LRRTM4: variants seen among roughly 807,000 people sequenced by gnomAD.
LRRTM4 encodes the protein leucine-rich repeat transmembrane neuronal protein 4.
Under a neutral mutation model 47.6 loss-of-function variants are expected in LRRTM4, and 25 were observed. The observed-to-expected ratio is 0.53, with a 90% confidence interval of 0.38 to 0.73. LRRTM4 has a LOEUF of 0.73. LRRTM4 is among the 30% of genes least tolerant of loss of function. The probability of loss-of-function intolerance (pLI) is 0.00; values close to 1 mark genes in which losing one functional copy is unlikely to be tolerated. For synonymous variants in LRRTM4, 311 were observed against 269.5 expected (o/e 1.15, Z -1.51); for missense variants, 638 against 713.4 (o/e 0.89, Z 1.20).
At chr2:77,110,009 A>C (rs894844633) in intron 3 of LRRTM4, among the ~76,000 whole-genome samples, 2 of 152,162 alleles carry the variant, frequency 1.3e-5, no homozygotes, top group African/African-American at 4.8e-5. Context: ...ATCTTATTAC[A>C]ATTCAAGAAA....
intron 3 of LRRTM4, among the ~76,000 whole-genome samples, chr2:77,302,004 T>G (rs2104165842): frequency 6.6e-6 from 1 of 152,276 alleles, no homozygotes; most frequent in Non-Finnish European, 1.5e-5. Context: ...ATTTAAAAAC[T>G]ATTTTAGACA....
chr2:77,436,236 T>A (rs1264004474), intron 3 of LRRTM4, among the ~76,000 whole-genome samples: 2 of 152,124 alleles, frequency 1.3e-5, no homozygotes, highest in Non-Finnish European at 2.9e-5. Flanking sequence ...CTATACACAT[T>A]TGAATAAAGT....
At chr2:77,450,381 A>G (rs900665282) in intron 3 of LRRTM4, among the ~76,000 whole-genome samples, 2 of 152,042 alleles carry the variant, frequency 1.3e-5, no homozygotes, top group African/African-American at 4.8e-5. Context: ...AAATAATCAC[A>G]TGCTATTAAC....
intron 3 of LRRTM4, among the ~76,000 whole-genome samples, chr2:76,769,998 G>A (rs1384717873): frequency 1.3e-5 from 2 of 152,130 alleles, no homozygotes; most frequent in Non-Finnish European, 2.9e-5. Context: ...CTGGGCTTGG[G>A]CCCAGGAATC....
intron 3 of LRRTM4, among the ~76,000 whole-genome samples, chr2:77,353,386 A>T (rs895333277): frequency 2.2e-4 from 33 of 152,168 alleles, no homozygotes; most frequent in African/African-American, 8.0e-4. Context: ...TGCATTGTAT[A>T]TCTCTTGTTT....
intron 3 of LRRTM4, among the ~76,000 whole-genome samples, chr2:76,827,117 C>T (rs1255203720): frequency 6.6e-6 from 1 of 151,818 alleles, no homozygotes; most frequent in Admixed American, 6.6e-5. Context: ...TTTGACTTGG[C>T]TTCTTCTCAT....
At chr2:76,885,317 G>C (rs1330682404) in intron 3 of LRRTM4, among the ~76,000 whole-genome samples, 4 of 151,976 alleles carry the variant, frequency 2.6e-5, no homozygotes, top group African/African-American at 9.7e-5. Flanking sequence ...TAAACTGAAA[G>C]ACTGGGACCC....
intron 3 of LRRTM4, among the ~76,000 whole-genome samples, chr2:77,468,266 T>C (rs2103986743): frequency 6.6e-6 from 1 of 152,296 alleles, no homozygotes; most frequent in South Asian, 2.1e-4. Context: ...ATTCTTCCAT[T>C]TGTGTTCTCG....
At chr2:76,915,942 C>T (rs913118278) in intron 3 of LRRTM4, among the ~76,000 whole-genome samples, 3 of 151,890 alleles carry the variant, frequency 2.0e-5, no homozygotes, top group Non-Finnish European at 4.4e-5. Flanking sequence ...TAATCTTTGC[C>T]TCTTAAAAGG....
intron 3 of LRRTM4, among the ~76,000 whole-genome samples, chr2:77,007,463 T>C (rs1677699268): frequency 1.3e-5 from 2 of 152,164 alleles, no homozygotes; most frequent in South Asian, 4.1e-4. Context: ...TGTGAAAGAA[T>C]ATATTTGGAA....
intron 3 of LRRTM4, among the ~76,000 whole-genome samples, chr2:77,074,539 T>C (rs1226291212): frequency 6.6e-6 from 1 of 152,138 alleles, no homozygotes; most frequent in African/African-American, 2.4e-5. Flanking sequence ...TTTCTGGTGA[T>C]GGAATTTCCA....
chr2:77,218,624 T>A (rs1674527101), intron 3 of LRRTM4, among the ~76,000 whole-genome samples: 9 of 151,950 alleles, frequency 5.9e-5, no homozygotes, highest in Admixed American at 5.9e-4. Context: ...TGAGAAAGAG[T>A]TGGAGAATTT....
At chr2:76,946,263 G>A (rs1675319723) in intron 3 of LRRTM4, among the ~76,000 whole-genome samples, 1 of 151,790 alleles carries the variant, frequency 6.6e-6, no homozygotes, top group African/African-American at 2.4e-5. Flanking sequence ...ACTTTTGCAT[G>A]ATCTCTAGAG....
At chr2:77,080,827 G>C (rs1365086912) in intron 3 of LRRTM4, among the ~76,000 whole-genome samples, 4 of 152,186 alleles carry the variant, frequency 2.6e-5, no homozygotes, top group Admixed American at 2.0e-4. Context: ...AGCCTTCTGT[G>C]CTTAGCGCCC....
At chr2:77,040,804 C>T (rs1348826) in intron 3 of LRRTM4, among the ~76,000 whole-genome samples, 80,888 of 150,970 alleles carry the variant, frequency 0.54, 24,242 homozygotes, top group African/African-American at 0.81. Context: ...TTGTTTTTCA[C>T]TGATACACGA....
intron 3 of LRRTM4, among the ~76,000 whole-genome samples, chr2:77,216,714 C>A (rs569926701): frequency 6.6e-6 from 1 of 152,110 alleles, no homozygotes; most frequent in East Asian, 1.9e-4. Context: ...ATAGAATAAA[C>A]CTTGCTAGGA....
chr2:77,407,618 ATAATATATGATATAT>A (rs1674247546), intron 3 of LRRTM4, among the ~76,000 whole-genome samples: 1 of 138,572 alleles, frequency 7.2e-6, no homozygotes, highest in African/African-American at 2.8e-5. Flanking sequence ...AATATATAAT[ATAATATATGATATAT>A]TATTATATAA....
intron 3 of LRRTM4, among the ~76,000 whole-genome samples, chr2:77,425,519 C>T (rs1558737636): frequency 6.6e-6 from 1 of 152,188 alleles, no homozygotes; most frequent in Non-Finnish European, 1.5e-5. Flanking sequence ...TGTTTGGAAT[C>T]TTACCTTCTC....
intron 3 of LRRTM4, among the ~76,000 whole-genome samples, chr2:77,228,444 T>G (rs1674873937): frequency 6.6e-6 from 1 of 152,082 alleles, no homozygotes; most frequent in Admixed American, 6.6e-5. Flanking sequence ...TTACATAAGC[T>G]CCAGTGAATG....
Sources: allele counts gnomAD v4.1 joint callset (sites outside exome capture counted in the v4.1 genomes callset), GRCh38; gene constraint gnomAD v4.1.1; transcripts MANE v1.5; gene names NCBI Gene and HGNC (gene_info 2026-07-23, HGNC 2026-07-21).